The following PLCL1 variants were observed in gnomAD, a reference collection of about 807,000 sequenced individuals.
The protein encoded by PLCL1 is phospholipase C like 1 (inactive).
In PLCL1, 41 loss-of-function variants were observed where a neutral mutation model predicts 84.4. The ratio of observed to expected loss-of-function variants is 0.49; its 90% CI spans 0.38 to 0.63. The LOEUF is 0.63. PLCL1 is among the 30% of genes least tolerant of loss of function. The pLI is 0.00. For missense variants in PLCL1, 1,206 were observed against 1,367.8 expected (o/e 0.88, Z 1.87); for synonymous variants, 490 against 488.3 (o/e 1.00, Z -0.05).
chr2:197,815,271 A>G (rs1284076032), intron 1 of PLCL1, among the ~76,000 whole-genome samples: 1 of 152,146 alleles, frequency 6.6e-6, no homozygotes, highest in African/African-American at 2.4e-5. Context: ...AATTATGCCA[A>G]ATCTACTCTG....
intron 1 of PLCL1, among the ~76,000 whole-genome samples, chr2:197,857,114 T>TG (rs1382894936): frequency 1.3e-5 from 2 of 152,000 alleles, no homozygotes; most frequent in African/African-American, 4.8e-5. Flanking sequence ...CTGCACATCC[T>TG]GCACATGTAC....
intron 1 of PLCL1, among the ~76,000 whole-genome samples, chr2:197,877,813 A>T (rs1687764679): frequency 6.6e-6 from 1 of 152,156 alleles, no homozygotes; most frequent in African/African-American, 2.4e-5. Flanking sequence ...TAGTTTTGTA[A>T]CAGAGTTCTC....
At chr2:198,002,721 G>C (rs576010620) in intron 1 of PLCL1, among the ~76,000 whole-genome samples, 34 of 152,288 alleles carry the variant, frequency 2.2e-4, no homozygotes, top group African/African-American at 7.5e-4. Flanking sequence ...CAGGTGCCAG[G>C]CTGTGGGATC....
chr2:197,805,450 C>T lies in PLCL1; in HGVS notation c.240+111C>T, dbSNP rs985168513. 2.1e-5 allele frequency: 21 copies of T among 1,019,872 alleles called. No individual in the cohort carries two copies. Among genetic ancestry groups the T allele is most frequent in the Non-Finnish European group, 2.3e-5 (18 of 790,412 alleles). The allele number at this position is 1,019,872 out of a possible 1,614,324, so 63.2% of individuals were successfully genotyped here. A position where few individuals can be genotyped will look rare whatever the true frequency, so the allele number is the denominator to read the frequency against. On this transcript the variant is annotated intron_variant, in intron 1 of 5. Transcript: ENST00000428675. The surrounding 1 kb of genome is among the most constrained non-coding windows in gnomAD (Gnocchi z 4.0). ...CATCCGGGCTCAGCATTGTTTTCTC[C>T]CACCTCCTTCAACGCCAAACCTTCC...
At chr2:197,894,171 G>A (rs1257929089) in intron 1 of PLCL1, among the ~76,000 whole-genome samples, 2 of 151,906 alleles carry the variant, frequency 1.3e-5, no homozygotes, top group Non-Finnish European at 2.9e-5. Flanking sequence ...TCCATGCCCC[G>A]TTCCTGCCTT....
At chr2:197,868,355 A>G (rs574578994) in intron 1 of PLCL1, among the ~76,000 whole-genome samples, 2 of 152,312 alleles carry the variant, frequency 1.3e-5, no homozygotes, top group South Asian at 4.1e-4. Flanking sequence ...AAACTAGGCA[A>G]GAAACAGGTA....
Position 197,805,052 on chromosome 2 carries a change from C to T in PLCL1, c.-48C>T, listed in dbSNP as rs574092754. The stretch of plus-strand genomic sequence containing the variant: ...ACCGGTGCCTAGCGGCTGGACTCCG[C>T]TGCCGGGCGTCCCGCTTTCCCCCGG... On this transcript the variant is annotated 5_prime_UTR_variant, in exon 1 of 6. Coordinates refer to ENST00000428675, the MANE Select transcript of PLCL1 (RefSeq NM_006226.4). This position sits in a 1 kb window ranked among gnomAD's most constrained non-coding sequence, Gnocchi z 4.0. 538 of 1,418,764 alleles carry T rather than the reference C, an allele frequency of 3.8e-4. 4 individuals carry two copies. The African/African-American group carries it at 6.7e-3, about 18-fold the overall frequency. The allele number at this position is 1,418,764 out of a possible 1,614,324, so 87.9% of individuals were successfully genotyped here. A position where few individuals can be genotyped will look rare whatever the true frequency, so the allele number is the denominator to read the frequency against.
chr2:198,096,098 G>A (rs1693185763), intron 3 of PLCL1, among the ~76,000 whole-genome samples: 1 of 152,214 alleles, frequency 6.6e-6, no homozygotes, highest in African/African-American at 2.4e-5. Context: ...CAAGGTGCTA[G>A]AGAAAGAAAT....
intron 1 of PLCL1, among the ~76,000 whole-genome samples, chr2:197,893,589 C>T (rs552543660): frequency 3.9e-5 from 6 of 152,246 alleles, no homozygotes; most frequent in Non-Finnish European, 5.9e-5. Flanking sequence ...AAGGCTGAGG[C>T]TCAGAGAAGT....
chr2:197,909,367 C>G (rs1688442290), intron 1 of PLCL1, among the ~76,000 whole-genome samples: 1 of 151,274 alleles, frequency 6.6e-6, no homozygotes, highest in Admixed American at 6.6e-5. Flanking sequence ...CAGAAGTGGG[C>G]ACTAAAAATT....
intron 1 of PLCL1, among the ~76,000 whole-genome samples, chr2:197,918,007 G>A (rs1420672608): frequency 6.6e-6 from 1 of 152,164 alleles, no homozygotes; most frequent in Admixed American, 6.5e-5. Flanking sequence ...GTGTGGAAAG[G>A]TGGGTTAAAG....
intron 1 of PLCL1, among the ~76,000 whole-genome samples, chr2:197,913,941 G>A (rs1688540083): frequency 6.6e-6 from 1 of 152,052 alleles, no homozygotes. Context: ...TTTTGCCAGT[G>A]ATAGTCCATT....
chr2:197,821,397 G>C (rs1419575283), intron 1 of PLCL1, among the ~76,000 whole-genome samples: 1 of 152,162 alleles, frequency 6.6e-6, no homozygotes, highest in East Asian at 1.9e-4. Context: ...CTGACAAAGA[G>C]ATCCCTGCAC....
chr2:197,891,921 A>G (rs1688037147), intron 1 of PLCL1, among the ~76,000 whole-genome samples: 1 of 152,176 alleles, frequency 6.6e-6, no homozygotes, highest in African/African-American at 2.4e-5. Context: ...TCTGTGCACT[A>G]CACAGGAGTA....
chr2:198,010,801 ATT>A (rs560435492), intron 1 of PLCL1, among the ~76,000 whole-genome samples: 1 of 135,212 alleles, frequency 7.4e-6, no homozygotes. Context: ...TTGGAAGGTT[ATT>A]TTTTTTTTTT....
At chr2:198,110,038 C>G (rs1380135278) in intron 5 of PLCL1, among the ~76,000 whole-genome samples, 1 of 151,326 alleles carries the variant, frequency 6.6e-6, no homozygotes, top group African/African-American at 2.4e-5. Flanking sequence ...AAGTAGCTGC[C>G]CTTCTTATTT....
chr2:197,812,188 C>T (rs376885534), intron 1 of PLCL1, among the ~76,000 whole-genome samples: 2 of 152,152 alleles, frequency 1.3e-5, no homozygotes, highest in African/African-American at 2.4e-5. Context: ...GTGTATGCTT[C>T]CCACATTTTC....
At chr2:197,929,472 G>C (rs1167498090) in intron 1 of PLCL1, among the ~76,000 whole-genome samples, 1 of 152,166 alleles carries the variant, frequency 6.6e-6, no homozygotes, top group African/African-American at 2.4e-5. Context: ...GCTGTTATTA[G>C]CAGATAAGCA....
chr2:198,086,186 C>G lies in PLCL1; in HGVS notation c.2669C>G (p.Ala890Gly). ...ACCATTGATGACATCTTTAAAATAGCGGTTCATCCATTACGAGAAGCCATA... is the reference window on the plus strand; with the variant it reads ...ACCATTGATGACATCTTTAAAATAGGGGTTCATCCATTACGAGAAGCCATA... ...LKTIDDIFKI[A>G]VHPLREAIDM... is the part of the protein sequence containing the mutation. Residue 890 changes from alanine (A) to glycine (G), a missense_variant, in exon 2 of 6, where the codon GCG becomes GGG. Transcript: ENST00000428675. 1 of 1,613,484 alleles carries G rather than the reference C, an allele frequency of 6.2e-7. No homozygotes were observed. Among genetic ancestry groups the G allele is most frequent in the African/African-American group, 1.3e-5 (1 of 74,978 alleles).
Sources: allele counts gnomAD v4.1 joint callset (sites outside exome capture counted in the v4.1 genomes callset), GRCh38; gene constraint gnomAD v4.1.1; non-coding constraint Gnocchi (gnomAD v3.1); transcripts MANE v1.5; gene names NCBI Gene and HGNC (gene_info 2026-07-23, HGNC 2026-07-21).